The following OGDHL variants were observed in gnomAD, a reference collection of about 807,000 sequenced individuals.
OGDHL encodes oxoglutarate dehydrogenase L, also known as 2-oxoglutarate dehydrogenase-like, mitochondrial.
Under a neutral mutation model 109.6 loss-of-function variants are expected in OGDHL, and 79 were observed. That is an observed-to-expected ratio of 0.72 (90% CI 0.60 to 0.87). OGDHL has a LOEUF of 0.87. OGDHL is among the 40% of genes least tolerant of loss of function. OGDHL has a pLI of 0.00. For synonymous variants in OGDHL, 528 were observed against 537.2 expected, an observed-to-expected ratio of 0.98 and a Z score of 0.24; for missense variants, 1,275 against 1,362.2, an observed-to-expected ratio of 0.94 and a Z score of 1.01.
chr10:49,755,275 C>T (rs1053987470), intron 3 of OGDHL, among the ~76,000 whole-genome samples: 2 of 152,110 alleles, frequency 1.3e-5, no homozygotes, highest in Admixed American at 1.3e-4. Context: ...GGACAAAAGG[C>T]AAACACAAAT....
In OGDHL at chr10:49,751,979, G is replaced by A. The variant is rs2133069693; in HGVS notation, c.597C>T (p.Asn199=). 1 of 1,614,160 alleles carries A rather than the reference G, an allele frequency of 6.2e-7. No homozygotes were observed. The highest frequency in any genetic ancestry group is 8.5e-7 in the Non-Finnish European group (1 of 1,180,026). The change falls in exon 6 of 23, where the codon AAC becomes AAT. Residue 199 remains asparagine (N), a splice_region_variant and synonymous_variant. Transcript: ENST00000374103. ...CCAGGCCAATGTGCTGGCAGTAGGT[G>A]TTCTGGGGAGACACATTGGGACCCC... The part of the protein sequence containing the change: ...SLREIIRRLE[N]TYCQHIGLEF...
In OGDHL at chr10:49,746,858, A is replaced by C; in HGVS notation, c.1188T>G (p.His396Gln). Residue 396 changes from histidine (H) to glutamine (Q), a missense_variant, in exon 10 of 23, where the codon CAT (histidine) becomes CAG (glutamine). Physicochemically the swap from His to Gln is conservative, Grantham distance 24. Transcript: ENST00000374103. ...QGKKVMSILV[H>Q]GDAAFAGQGV... The stretch of plus-strand genomic sequence containing the variant: ...CCTGGCCAGCAAAGGCGGCGTCCCC[A>C]TGAACCAGGATGGACATGACCTGCA... 4 of 1,614,172 alleles carry C rather than the reference A, an allele frequency of 2.5e-6. No homozygotes were observed. The highest frequency in any genetic ancestry group is 3.4e-6 in the Non-Finnish European group (4 of 1,180,018).
At chr10:49,748,068 T>A (rs1279689797) in intron 8 of OGDHL, among the ~76,000 whole-genome samples, 1 of 152,220 alleles carries the variant, frequency 6.6e-6, no homozygotes, top group Non-Finnish European at 1.5e-5. Flanking sequence ...GTGGATGGGC[T>A]CGCTGACATC....
chr10:49,743,015 C>T (rs1309721884), intron 14 of OGDHL, 37 bp from the exon 15 acceptor site: 3 of 1,604,774 alleles, frequency 1.9e-6, no homozygotes, highest in Non-Finnish European at 2.5e-6. Flanking sequence ...GGCCAAGGGA[C>T]AGCCAGCCCT....
rs752820630 is a variant in OGDHL, at chr10:49,749,760, CAGA to C, written c.950_952del (p.Phe317del). 9.4e-6 allele frequency: 15 copies of C among 1,600,830 alleles called. No homozygotes were observed. Among genetic ancestry groups the C allele is most frequent in the Non-Finnish European group, 1.3e-5 (15 of 1,176,972 alleles). Reference sequence around the variant, plus strand: ...CGCCTCCAGCTTGGGGTCAAACTGGCAGAAGATCTGCTCCAGGTCCTTGCGGAT... The same window carrying C: ...CGCCTCCAGCTTGGGGTCAAACTGGCAGATCTGCTCCAGGTCCTTGCGGAT... On this transcript the variant is annotated inframe_deletion, in exon 8 of 23. Coordinates refer to ENST00000374103, the MANE Select transcript of OGDHL (RefSeq NM_018245.3).
Position 49,739,433 on chromosome 10 carries a change from C to T in OGDHL, c.2319+228G>A, listed in dbSNP as rs921665821. 1.8e-5 allele frequency: 9 copies of T among 496,068 alleles called. No homozygotes were observed. The South Asian group carries it at 2.0e-4, about 11-fold the overall frequency. 30.7% of individuals were successfully genotyped at this position (496,068 alleles called of 1,614,324 possible). On this transcript the variant is annotated intron_variant, in intron 17 of 22. Transcript: ENST00000374103. ...TTCAGAAGCATTGAACAGTGCCTGG[C>T]GCACAGCAAGCACTCATACGTGGTA... is the stretch of plus-strand genomic sequence containing the variant.
In OGDHL at chr10:49,736,289, T is replaced by C. The variant is rs550452227; in HGVS notation, c.2754+68A>G. 7.6e-4 allele frequency: 1,218 copies of C among 1,596,630 alleles called. 3 individuals carry two copies. Among genetic ancestry groups the C allele is most frequent in the Non-Finnish European group, 1.0e-3 (1,165 of 1,169,638 alleles). ...GCCTTCATCTGGCCTGCCTGGCACA[T>C]TGGCCAGAGCCGGGGCCAGCGACGT... is the stretch of plus-strand genomic sequence containing the variant. On this transcript the variant is annotated intron_variant, in intron 21 of 22. Coordinates refer to ENST00000374103, the MANE Select transcript of OGDHL (RefSeq NM_018245.3).
At chr10:49,755,400 T>C (rs142719470) in intron 3 of OGDHL, among the ~76,000 whole-genome samples, 82 of 152,342 alleles carry the variant, frequency 5.4e-4, no homozygotes, top group Middle Eastern at 3.4e-3. Context: ...GTTCAATGAA[T>C]GAAATGCTAT....
At chr10:49,756,672 T>C (rs1423558148) in intron 3 of OGDHL, 104 bp downstream of exon 3, 2 of 1,173,992 alleles carry the variant, frequency 1.7e-6, no homozygotes, top group Non-Finnish European at 2.3e-6. Context: ...GGAGAAGGGC[T>C]CTCTGGGGAG....
chr10:49,756,854 A>T lies in OGDHL; in HGVS notation c.297T>A (p.Ser99=), dbSNP rs1842947358. ...RPPSVVHESR[S]AVSSRTKTSK... ...TGGTCTTGGTCCGACTTGAGACTGCAGACCTGCTCTCATGGACAACAGAAG... is the reference window on the plus strand; with the variant it reads ...TGGTCTTGGTCCGACTTGAGACTGCTGACCTGCTCTCATGGACAACAGAAG... The change falls in exon 3 of 23, where the codon TCT becomes TCA. Residue 99 remains serine, a synonymous_variant. Transcript: ENST00000374103. 6.2e-7 allele frequency: 1 copy of T among 1,614,024 alleles called. No individual in the cohort carries two copies. The highest frequency in any genetic ancestry group is 1.3e-5 in the African/African-American group (1 of 74,928).
intron 14 of OGDHL, among the ~76,000 whole-genome samples, chr10:49,743,390 T>TTCGGTC (rs71026268): frequency 0.38 from 57,755 of 151,396 alleles, 13,413 homozygotes; most frequent in East Asian, 0.87. Context: ...CCCCAGGACA[T>TTCGGTC]TCGGTCTCGG....
intron 3 of OGDHL, 96 bp downstream of exon 3, chr10:49,756,680 G>A: frequency 8.2e-7 from 1 of 1,226,784 alleles, no homozygotes; most frequent in Non-Finnish European, 1.1e-6. Context: ...GCTCTCTGGG[G>A]AGATGATGTT....
At chr10:49,748,921 G>A (rs1842395395) in intron 8 of OGDHL, among the ~76,000 whole-genome samples, 1 of 152,180 alleles carries the variant, frequency 6.6e-6, no homozygotes, top group South Asian at 2.1e-4. Context: ...AAGAGGCTAG[G>A]CAGTGGCCGG....
At position 49,735,291 on chromosome 10, in the gene OGDHL, C is replaced by T. The variant is rs1393958378; in HGVS notation, c.2970G>A (p.Val990=). The T allele has an allele frequency of 8.1e-6, 13 of 1,614,086 alleles. No homozygotes were observed. The highest frequency in any genetic ancestry group is 1.3e-5 in the African/African-American group (1 of 74,952). ...CAGTATCCAGAAACTTCTTCAGTGA[C>T]ACCAGGTGAGTGTTCCTGTTTCCTG... The part of the protein sequence containing the change: ...PATGNRNTHL[V]SLKKFLDTAF... Residue 990 remains valine (V), a synonymous_variant, in exon 23 of 23, where the codon GTG becomes GTA. Coordinates refer to ENST00000374103, the MANE Select transcript of OGDHL (RefSeq NM_018245.3).
intron 2 of OGDHL, 116 bp from the exon 3 acceptor site, chr10:49,757,062 G>C (rs1310741169): frequency 1.0e-6 from 1 of 1,004,874 alleles, no homozygotes; most frequent in Non-Finnish European, 1.4e-6. Flanking sequence ...AGCTCTCAGG[G>C]CCTTCCCAGG....
intron 3 of OGDHL, 70 bp from the exon 4 acceptor site, chr10:49,752,810 T>G (rs1403079773): frequency 1.8e-6 from 2 of 1,120,446 alleles, no homozygotes; most frequent in African/African-American, 3.1e-5. Context: ...GGTAAGGCTC[T>G]GGGCCCCAGC....
Position 49,735,088 on chromosome 10 carries a change from T to C in OGDHL, c.*140A>G. 1 of 1,061,018 alleles carries C rather than the reference T, an allele frequency of 9.4e-7. No individual in the cohort carries two copies. The highest frequency in any genetic ancestry group is 1.4e-6 in the Non-Finnish European group (1 of 733,864). 65.7% of individuals were successfully genotyped at this position (1,061,018 alleles called of 1,614,324 possible). A position where few individuals can be genotyped will look rare whatever the true frequency, so the allele number is the denominator to read the frequency against. On this transcript the variant is annotated 3_prime_UTR_variant, in exon 23 of 23. Coordinates refer to ENST00000374103, the MANE Select transcript of OGDHL (RefSeq NM_018245.3). ...TGACACCAAGGCCAGCAGTGCTGGCTCTTGGCCCTGTCACTGTGTCTGTTT... is the reference window on the plus strand; with the variant it reads ...TGACACCAAGGCCAGCAGTGCTGGCCCTTGGCCCTGTCACTGTGTCTGTTT...
At chr10:49,745,606 G>A in intron 11 of OGDHL, 110 bp from the exon 12 acceptor site, 3 of 1,409,820 alleles carry the variant, frequency 2.1e-6, no homozygotes, top group Non-Finnish European at 2.9e-6. Flanking sequence ...GGAGCCCTTT[G>A]AGCTCCACTA....
At position 49,742,928 on chromosome 10, in the gene OGDHL, C is replaced by A. The variant is rs776362834; in HGVS notation, c.1912G>T (p.Val638Leu). ...GRADMTKNRT[V>L]DWALAEYMAF... The stretch of plus-strand genomic sequence containing the variant: ...ATGTACTCTGCCAACGCCCAGTCCA[C>A]CGTCCGGTTCTTGGTCATGTCCGCA... Residue 638 changes from valine (V) to leucine (L), a missense_variant, in exon 15 of 23, where the codon GTG becomes TTG. Val to Leu is a conservative substitution (Grantham distance 32, BLOSUM62 1). Coordinates refer to ENST00000374103, the MANE Select transcript of OGDHL (RefSeq NM_018245.3). 3.1e-6 allele frequency: 5 copies of A among 1,613,904 alleles called. No homozygotes were observed. In the African/African-American group the frequency reaches 5.3e-5, roughly 17 times the overall value.
Sources: gnomAD v4.1 joint callset for allele counts (sites outside exome capture counted in the v4.1 genomes callset) on GRCh38, gnomAD v4.1.1 for gene constraint, MANE v1.5 for transcripts, NCBI Gene and HGNC (gene_info 2026-07-23, HGNC 2026-07-21) for gene names.